The following EVA1A variants were observed in gnomAD, a reference collection of about 807,000 sequenced individuals.
EVA1A encodes protein eva-1 homolog A.
A neutral mutation model predicts 9.8 loss-of-function variants in EVA1A; 7 were observed. The ratio of observed to expected loss-of-function variants is 0.71; its 90% confidence interval spans 0.41 to 1.34. EVA1A has a LOEUF of 1.34. Among genes scored for constraint, EVA1A ranks in the 40% most tolerant of loss-of-function variants. EVA1A has a pLI of 0.01. For missense variants in EVA1A, 206 were observed against 205.9 expected (o/e 1.00, Z 0.00); for synonymous variants, 90 against 85.6 (o/e 1.05, Z -0.28).
chr2:75,542,112 C>T (rs1676146828), intron 1 of EVA1A: 1 of 153,028 alleles, frequency 6.5e-6, no homozygotes, highest in Non-Finnish European at 1.5e-5. Flanking sequence ...TTTCTCTGCA[C>T]AAGCCCTCTC....
intron 3 of EVA1A, among the ~76,000 whole-genome samples, chr2:75,494,760 C>T (rs530196887): frequency 6.6e-6 from 1 of 152,288 alleles, no homozygotes; most frequent in South Asian, 2.1e-4. Context: ...TGTTTTCAGC[C>T]ACTAAGTTTT....
chr2:75,518,703 C>G (rs1675106843), intron 2 of EVA1A: 1 of 987,058 alleles, frequency 1.0e-6, no homozygotes, highest in East Asian at 1.1e-4. Context: ...CCATCGGGTT[C>G]AAATCATCGT....
At chr2:75,510,683 A>G (rs1674779125) in intron 3 of EVA1A, among the ~76,000 whole-genome samples, 1 of 152,256 alleles carries the variant, frequency 6.6e-6, no homozygotes, top group African/African-American at 2.4e-5. Context: ...TACTATAAGC[A>G]AAGTCAAAAG....
At position 75,493,291 on chromosome 2, in the gene EVA1A, C is replaced by G. The variant is rs1674092170; in HGVS notation, c.404G>C (p.Trp135Ser). The change falls in exon 4 of 4, where the codon TGG (tryptophan) becomes TCG (serine). Residue 135 changes from tryptophan to serine, a missense_variant. Transcript: ENST00000393913. ...GGGCACCTCAGGCTGGCCATTCATC[C>G]AGATCTCCCTGATGATGCGCTCGCG... ...EERERIIREI[W>S]MNGQPEVPGT... 6.2e-7 allele frequency: 1 copy of G among 1,614,054 alleles called. No individual in the cohort carries two copies.
chr2:75,558,285 C>G (rs1676793773), intron 1 of EVA1A, among the ~76,000 whole-genome samples: 1 of 152,164 alleles, frequency 6.6e-6, no homozygotes, highest in Non-Finnish European at 1.5e-5. Flanking sequence ...GCTATTTCTT[C>G]TTACCAAGAA....
chr2:75,519,201 C>A (rs1402684430), intron 2 of EVA1A, among the ~76,000 whole-genome samples: 2 of 152,156 alleles, frequency 1.3e-5, no homozygotes, highest in African/African-American at 4.8e-5. Flanking sequence ...GGCAGAGACC[C>A]AATTCGATGC....
At position 75,492,337 on chromosome 2, in the gene EVA1A, A is replaced by C. The variant is rs978412064; in HGVS notation, c.*899T>G. On this transcript the variant is annotated 3_prime_UTR_variant, in exon 4 of 4. Coordinates refer to ENST00000393913, the MANE Select transcript of EVA1A (RefSeq NM_001135032.2). ...ACCAAAAAGATTTTATGTAATGTTT[A>C]TTTTTTTAATTCCCATCCTAACTTT... The C allele has an allele frequency of 6.8e-6, 1 of 147,740 alleles. No individual in the cohort carries two copies. The highest frequency in any genetic ancestry group is 2.1e-4 in the South Asian group (1 of 4,678). The allele number at this position is 147,740 out of a possible 1,614,324, so 9.2% of individuals were successfully genotyped here.
intron 1 of EVA1A, among the ~76,000 whole-genome samples, chr2:75,543,840 G>C (rs887920644): frequency 5.3e-5 from 8 of 152,200 alleles, no homozygotes; most frequent in Admixed American, 6.5e-5. Flanking sequence ...TCAAAACAGG[G>C]AGGTCCTCCC....
intron 3 of EVA1A, among the ~76,000 whole-genome samples, chr2:75,508,824 C>G (rs940974844): frequency 2.6e-5 from 4 of 152,066 alleles, no homozygotes; most frequent in Non-Finnish European, 4.4e-5. Context: ...TACTCTGTCC[C>G]TTTATTTCTC....
chr2:75,548,652 C>G (rs866761769), intron 1 of EVA1A, among the ~76,000 whole-genome samples: 1 of 152,134 alleles, frequency 6.6e-6, no homozygotes, highest in Non-Finnish European at 1.5e-5. Flanking sequence ...TCCCTTAGCA[C>G]CCTGTGACAT....
intron 1 of EVA1A, among the ~76,000 whole-genome samples, chr2:75,523,837 C>G (rs774563586): frequency 1.1e-4 from 17 of 152,182 alleles, no homozygotes; most frequent in Non-Finnish European, 2.2e-4. Flanking sequence ...AGAAATCTCA[C>G]TCTCCAATCG....
At chr2:75,544,136 G>A (rs1252906137) in intron 1 of EVA1A, among the ~76,000 whole-genome samples, 5 of 152,156 alleles carry the variant, frequency 3.3e-5, no homozygotes, top group Admixed American at 2.6e-4. Flanking sequence ...ACATGTAGAT[G>A]TGTCATTAAT....
intron 2 of EVA1A, among the ~76,000 whole-genome samples, chr2:75,521,072 A>G (rs1675213368): frequency 6.6e-6 from 1 of 152,236 alleles, no homozygotes; most frequent in African/African-American, 2.4e-5. Context: ...TATTTCTCCA[A>G]AGATATACAA....
chr2:75,509,023 T>G (rs756660808), intron 3 of EVA1A, among the ~76,000 whole-genome samples: 6 of 152,122 alleles, frequency 3.9e-5, no homozygotes, highest in African/African-American at 1.4e-4. Flanking sequence ...AGGAAAGAGA[T>G]GCAGAGGAGA....
At chr2:75,564,819 T>C (rs1191743773), upstream of EVA1A, among the ~76,000 whole-genome samples, 2 of 152,204 alleles carry the variant, frequency 1.3e-5, no homozygotes, top group Admixed American at 6.5e-5. Context: ...CACAAGCTCA[T>C]TGTGGCAAAT....
At chr2:75,513,712 G>A (rs1054456984) in intron 3 of EVA1A, among the ~76,000 whole-genome samples, 1 of 152,158 alleles carries the variant, frequency 6.6e-6, no homozygotes, top group Non-Finnish European at 1.5e-5. Context: ...CCTTAACAAA[G>A]AAGGAGATAC....
chr2:75,547,871 G>C (rs189291095), intron 1 of EVA1A, among the ~76,000 whole-genome samples: 1 of 152,300 alleles, frequency 6.6e-6, no homozygotes, highest in East Asian at 1.9e-4. Flanking sequence ...GCCTGTTTTT[G>C]TTTATAAAGT....
At chr2:75,513,301 A>G (rs1258312272) in intron 3 of EVA1A, among the ~76,000 whole-genome samples, 1 of 152,216 alleles carries the variant, frequency 6.6e-6, no homozygotes, top group Non-Finnish European at 1.5e-5. Flanking sequence ...CTGTCTTAGC[A>G]AATTTTCAGT....
chr2:75,540,113 C>G (rs1460891661), intron 1 of EVA1A, among the ~76,000 whole-genome samples: 1 of 152,194 alleles, frequency 6.6e-6, no homozygotes, highest in Non-Finnish European at 1.5e-5. Context: ...AGGTATGGAG[C>G]CTGGGGAAGG....
Sources: gnomAD v4.1 joint callset for allele counts (sites outside exome capture counted in the v4.1 genomes callset) on GRCh38, gnomAD v4.1.1 for gene constraint, MANE v1.5 for transcripts, NCBI Gene and HGNC (gene_info 2026-07-23, HGNC 2026-07-21) for gene names.